Variants in DOCK9 observed in about 807,000 individuals in gnomAD.
The protein encoded by DOCK9 is dedicator of cytokinesis 9.
In DOCK9, 89 loss-of-function variants were observed where a neutral mutation model predicts 263.3. That is an observed-to-expected ratio of 0.34 (90% CI 0.28 to 0.40). DOCK9 has a LOEUF of 0.40. DOCK9 is among the 10% of genes least tolerant of loss of function. The pLI, the probability that DOCK9 is intolerant of heterozygous loss-of-function variation, is 1.00. For synonymous variants in DOCK9, 976 were observed against 973.1 expected (o/e 1.00, Z -0.06); for missense variants, 2,140 against 2,603.4 (o/e 0.82, Z 3.87).
upstream of DOCK9, among the ~76,000 whole-genome samples, chr13:98,980,406 G>T (rs1451088871): frequency 6.6e-6 from 1 of 152,240 alleles, no homozygotes; most frequent in Non-Finnish European, 1.5e-5. Context: ...AATACTTGCA[G>T]AACGTTATAC....
intron 13 of DOCK9, among the ~76,000 whole-genome samples, chr13:98,901,300 T>G (rs1232283764): frequency 6.6e-6 from 1 of 152,214 alleles, no homozygotes; most frequent in African/African-American, 2.4e-5. Flanking sequence ...CTTTCCATCT[T>G]CCACCTAAAA....
In DOCK9 at chr13:98,931,292, A is replaced by ATTTATTTTAT. The variant is rs3029375; in HGVS notation, c.244-1045_244-1036dup. ...TTTTCTTTTTCTTTTTAATTTTTTT[A>ATTTATTTTAT]TTTATTTTATTTTATTTTATTTTTT... On this transcript the variant is annotated intron_variant, in intron 2 of 52. Transcript: ENST00000682017. Among the ~76,000 whole-genome samples, 119 of 148,612 alleles carry ATTTATTTTAT rather than the reference A, an allele frequency of 8.0e-4. No individual in the cohort carries two copies. The East Asian group carries it at 0.019, about 23-fold the overall frequency.
intron 1 of DOCK9, among the ~76,000 whole-genome samples, chr13:98,974,370 G>C (rs1461882585): frequency 6.6e-6 from 1 of 152,124 alleles, no homozygotes; most frequent in East Asian, 1.9e-4. Context: ...CAATGCAGGG[G>C]ACAAGACCCA....
chr13:98,967,675 G>A (rs1214157255), intron 1 of DOCK9, among the ~76,000 whole-genome samples: 5 of 152,192 alleles, frequency 3.3e-5, no homozygotes, highest in African/African-American at 1.2e-4. Flanking sequence ...CCAGGGAGGA[G>A]GGAATTCTCC....
intron 2 of DOCK9, among the ~76,000 whole-genome samples, chr13:98,941,057 T>G (rs1226579449): frequency 6.6e-6 from 1 of 152,184 alleles, no homozygotes; most frequent in East Asian, 1.9e-4. Flanking sequence ...TCCAGCAACA[T>G]GGACTATTTC....
Position 98,902,835 on chromosome 13 carries a change from C to T in DOCK9, c.1176+137G>A, listed in dbSNP as rs965839673. The T allele has an allele frequency of 7.8e-6, 7 of 902,690 alleles. No individual in the cohort carries two copies. In the East Asian group the frequency reaches 1.4e-4, roughly 17 times the overall value. 55.9% of individuals were successfully genotyped at this position (902,690 alleles called of 1,614,324 possible). On this transcript the variant is annotated intron_variant, in intron 11 of 52. Transcript: ENST00000682017. ...ACATCCTGTCCTTGCAGGCTAACAACCTCCATATCCTGATCCAAACACTGC... is the reference window on the plus strand; with the variant it reads ...ACATCCTGTCCTTGCAGGCTAACAATCTCCATATCCTGATCCAAACACTGC...
At chr13:98,975,006 A>C (rs1178721615) in intron 1 of DOCK9, among the ~76,000 whole-genome samples, 2 of 152,220 alleles carry the variant, frequency 1.3e-5, no homozygotes, top group African/African-American at 4.8e-5. Context: ...TAGCCTCATT[A>C]CTAATGCAAA....
intron 27 of DOCK9, among the ~76,000 whole-genome samples, chr13:98,873,708 T>C (rs1227076626): frequency 6.6e-6 from 1 of 152,226 alleles, no homozygotes; most frequent in Non-Finnish European, 1.5e-5. Context: ...GCAAACAAGA[T>C]GGAGGCCTCT....
chr13:99,047,340 C>T (rs1191913082), intron 1 of DOCK9, among the ~76,000 whole-genome samples: 2 of 152,156 alleles, frequency 1.3e-5, no homozygotes, highest in Admixed American at 1.3e-4. Flanking sequence ...GCCATCGCAG[C>T]ACATAAGCAC....
intron 50 of DOCK9, among the ~76,000 whole-genome samples, chr13:98,798,955 G>A (rs75216402): frequency 0.017 from 2,591 of 152,276 alleles, 34 homozygotes; most frequent in East Asian, 0.051. Flanking sequence ...CCCCTCCAGC[G>A]GCCTTTCCAT....
chr13:98,814,935 CAAAATAAAATAAAATAAAAT>C (rs66599481), intron 45 of DOCK9, among the ~76,000 whole-genome samples: 3,195 of 131,196 alleles, frequency 0.024, 75 homozygotes, highest in South Asian at 0.083. Context: ...GATTCTGTCT[CAAAATAAAATAAAATAAAAT>C]AAAATAAAAT....
intron 45 of DOCK9, among the ~76,000 whole-genome samples, chr13:98,813,429 A>G (rs2091511786): frequency 6.6e-6 from 1 of 152,112 alleles, no homozygotes; most frequent in African/African-American, 2.4e-5. Flanking sequence ...TTATGAATAG[A>G]TGTTGAATTT....
chr13:99,024,633 A>C (rs1041239757), intron 1 of DOCK9, among the ~76,000 whole-genome samples: 2 of 152,216 alleles, frequency 1.3e-5, no homozygotes, highest in African/African-American at 4.8e-5. Flanking sequence ...GCAGTATAGA[A>C]ATGCTGTCTC....
At chr13:98,909,150 A>G (rs1355282343) in intron 9 of DOCK9, among the ~76,000 whole-genome samples, 12 of 152,326 alleles carry the variant, frequency 7.9e-5, no homozygotes, top group Admixed American at 7.2e-4. Flanking sequence ...CAGAAAATGC[A>G]CAATGGCAGA....
intron 36 of DOCK9, among the ~76,000 whole-genome samples, chr13:98,849,431 ATTC>A (rs2093493867): frequency 1.8e-5 from 2 of 108,674 alleles, no homozygotes; most frequent in African/African-American, 5.6e-5. Context: ...TTCTGCAGAA[ATTC>A]TTTTTTTTTT....
At chr13:98,820,037 G>C (rs749633842) in intron 45 of DOCK9, among the ~76,000 whole-genome samples, 1 of 152,226 alleles carries the variant, frequency 6.6e-6, no homozygotes, top group African/African-American at 2.4e-5. Flanking sequence ...ATCTGAGGTA[G>C]TTATGTTCTA....
At chr13:98,932,337 G>A (rs1303234401) in intron 2 of DOCK9, among the ~76,000 whole-genome samples, 6 of 152,196 alleles carry the variant, frequency 3.9e-5, no homozygotes, top group Non-Finnish European at 8.8e-5. Flanking sequence ...GGAGGTTGCA[G>A]TAAGCCAAGA....
At chr13:98,853,324 T>C in intron 35 of DOCK9, 84 bp downstream of exon 35, 1 of 807,730 alleles carries the variant, frequency 1.2e-6, no homozygotes, top group Non-Finnish European at 2.0e-6. Flanking sequence ...GAAATCTTTG[T>C]ATCATTTCAA....
At chr13:98,954,382 G>C (rs1446100432) in intron 2 of DOCK9, among the ~76,000 whole-genome samples, 2 of 152,230 alleles carry the variant, frequency 1.3e-5, no homozygotes, top group Non-Finnish European at 2.9e-5. Context: ...AGCAAGGAAA[G>C]TAACCAGAAC....
Sources: gnomAD v4.1 joint callset for allele counts (sites outside exome capture counted in the v4.1 genomes callset) on GRCh38, gnomAD v4.1.1 for gene constraint, MANE v1.5 for transcripts, NCBI Gene and HGNC (gene_info 2026-07-23, HGNC 2026-07-21) for gene names.